Variants in SH2D4B observed in about 807,000 individuals in gnomAD.
SH2D4B encodes SH2 domain containing 4B.
SH2D4B carries 45 observed loss-of-function variants against 61.5 expected under a neutral mutation model. The observed-to-expected ratio is 0.73, with a 90% CI of 0.58 to 0.94. The LOEUF (loss-of-function observed/expected upper bound fraction) is 0.94, where lower values mean the gene tolerates loss of function less well. Among genes scored for constraint, SH2D4B ranks in the 40% least tolerant of loss-of-function variants. The probability of loss-of-function intolerance (pLI) is 0.00; values close to 1 mark genes in which losing one functional copy is unlikely to be tolerated. For missense variants in SH2D4B, 572 were observed against 574.2 expected (o/e 1.00, Z 0.04); for synonymous variants, 224 against 220.4 (o/e 1.02, Z -0.14).
chr10:80,624,123 C>T (rs1842747248), intron 6 of SH2D4B, among the ~76,000 whole-genome samples: 1 of 152,192 alleles, frequency 6.6e-6, no homozygotes, highest in Non-Finnish European at 1.5e-5. Flanking sequence ...TCCTGGATCC[C>T]CTCCATTCCT....
intron 6 of SH2D4B, among the ~76,000 whole-genome samples, chr10:80,613,523 G>A (rs11186280): frequency 0.04 from 6,088 of 152,310 alleles, 177 homozygotes; most frequent in Non-Finnish European, 0.057. Context: ...GGGACTACCC[G>A]GTGGGTGACA....
At chr10:80,587,094 A>G (rs140867633) in intron 3 of SH2D4B, among the ~76,000 whole-genome samples, 3,183 of 148,608 alleles carry the variant, frequency 0.021, 39 homozygotes, top group Middle Eastern at 0.047. Context: ...TCATTCTTGA[A>G]GTCAGTGAGA....
At chr10:80,568,605 C>T (rs539385298) in intron 1 of SH2D4B, among the ~76,000 whole-genome samples, 31 of 152,258 alleles carry the variant, frequency 2.0e-4, no homozygotes, top group East Asian at 3.9e-4. Context: ...GTGTGCCCTT[C>T]GTCACTTTAT....
intron 1 of SH2D4B, among the ~76,000 whole-genome samples, chr10:80,560,002 T>C (rs1433992164): frequency 6.7e-6 from 1 of 149,548 alleles, no homozygotes; most frequent in Non-Finnish European, 1.5e-5. Context: ...TTTTTTTTTT[T>C]TTTGAGACGG....
At chr10:80,586,044 G>A (rs1207279061) in intron 3 of SH2D4B, among the ~76,000 whole-genome samples, 1 of 152,154 alleles carries the variant, frequency 6.6e-6, no homozygotes, top group Non-Finnish European at 1.5e-5. Flanking sequence ...GAGTGTGCTG[G>A]GTCCCCCAGC....
At position 80,554,218 on chromosome 10, in the gene SH2D4B, G is replaced by T. The variant is rs560317133; in HGVS notation, c.184+15703G>T. Among the ~76,000 whole-genome samples the T allele has an allele frequency of 1.8e-4, 28 of 152,292 alleles. 1 individual carries two copies. Among genetic ancestry groups the T allele is most frequent in the Middle Eastern group, 3.4e-3 (1 of 294 alleles). On this transcript the variant is annotated intron_variant, in intron 1 of 7. Coordinates refer to ENST00000646907, the MANE Select transcript of SH2D4B (RefSeq NM_001388272.1). ...TCGCTGTTGGGGCAGCCGCTTCCTC[G>T]CAGGATTCTCTGAGAGGGGCCGTAT... is the stretch of plus-strand genomic sequence containing the variant.
intron 6 of SH2D4B, among the ~76,000 whole-genome samples, chr10:80,612,505 C>A (rs1211723262): frequency 6.6e-6 from 1 of 152,154 alleles, no homozygotes; most frequent in Non-Finnish European, 1.5e-5. Flanking sequence ...GGACAGACAT[C>A]AGAGAGCAAC....
chr10:80,642,106 T>A (rs545589572), intron 7 of SH2D4B, among the ~76,000 whole-genome samples: 215 of 152,304 alleles, frequency 1.4e-3, no homozygotes, highest in African/African-American at 4.6e-3. Flanking sequence ...GGGTAGTCTT[T>A]TTTGAGACAA....
chr10:80,621,685 G>A (rs1842718500), intron 6 of SH2D4B, among the ~76,000 whole-genome samples: 1 of 152,126 alleles, frequency 6.6e-6, no homozygotes, highest in Non-Finnish European at 1.5e-5. Flanking sequence ...GCTCATCTAT[G>A]GGCCTTGTCC....
At chr10:80,632,246 A>G (rs7895661) in intron 6 of SH2D4B, among the ~76,000 whole-genome samples, 92,935 of 151,838 alleles carry the variant, frequency 0.61, 31,250 homozygotes, top group African/African-American at 0.91. Flanking sequence ...CTGAGCTATT[A>G]TACCCAGCCA....
intron 3 of SH2D4B, among the ~76,000 whole-genome samples, chr10:80,576,893 A>C (rs1842132272): frequency 6.6e-6 from 1 of 152,136 alleles, no homozygotes; most frequent in South Asian, 2.1e-4. Context: ...TCAGCCTCCC[A>C]GGTAGCTGGG....
chr10:80,639,966 C>G (rs894964708), intron 7 of SH2D4B, among the ~76,000 whole-genome samples: 1 of 152,132 alleles, frequency 6.6e-6, no homozygotes, highest in Non-Finnish European at 1.5e-5. Flanking sequence ...TTCAGGAGCT[C>G]TTTTAGGGCA....
intron 1 of SH2D4B, among the ~76,000 whole-genome samples, chr10:80,552,256 C>T (rs1300517329): frequency 6.6e-6 from 1 of 152,154 alleles, no homozygotes; most frequent in African/African-American, 2.4e-5. Context: ...CAGCAGGGAG[C>T]CTGAGTTTCG....
rs372069531 is a variant in SH2D4B at position 80,605,141 on chromosome 10, G to A, written c.860+1346G>A. The stretch of plus-strand genomic sequence containing the variant: ...CACTCACTTTGTTTTTGCAGTTACC[G>A]TCATGAAAGGCCTTATTCCTCCTCT... On this transcript the variant is annotated intron_variant, in intron 5 of 7. Transcript: ENST00000646907. Among the ~76,000 whole-genome samples the A allele has an allele frequency of 5.3e-5, 8 of 150,496 alleles. No homozygotes were observed. The East Asian group carries it at 1.0e-3, about 19-fold the overall frequency.
At position 80,538,513 on chromosome 10, in the gene SH2D4B, G is replaced by T; in HGVS notation, c.182G>T (p.Arg61Leu). The change falls in exon 1 of 8, where the codon CGA (arginine) becomes CTA (leucine). Residue 61 changes from arginine to leucine, a missense_variant and splice_region_variant. Transcript: ENST00000646907. The surrounding 1 kb of genome is among the most constrained non-coding windows in gnomAD (Gnocchi z 4.8). ...GGTCTCAGGCCTCCAAAGACCAAGC[G>T]AGGTACGTGGCTGGGAGTCACAGAG... The part of the protein sequence containing the change: ...DEGLRPPKTK[R>L]AASDKHIQWL... 7.2e-7 allele frequency: 1 copy of T among 1,389,128 alleles called. No homozygotes were observed. Among genetic ancestry groups the T allele is most frequent in the East Asian group, 2.7e-5 (1 of 36,962 alleles). The allele number at this position is 1,389,128 out of a possible 1,614,324, so 86.1% of individuals were successfully genotyped here.
intron 6 of SH2D4B, among the ~76,000 whole-genome samples, chr10:80,619,858 A>AGG (rs1842699162): frequency 6.6e-6 from 1 of 152,214 alleles, no homozygotes; most frequent in Non-Finnish European, 1.5e-5. Context: ...GATCTACCCA[A>AGG]ACTGAAAAGA....
chr10:80,640,194 G>A (rs1444203450), intron 7 of SH2D4B, among the ~76,000 whole-genome samples: 2 of 152,150 alleles, frequency 1.3e-5, no homozygotes, highest in African/African-American at 2.4e-5. Context: ...AGGTTAACCC[G>A]ACCTTTCTCT....
At chr10:80,619,013 G>A (rs958086695) in intron 6 of SH2D4B, among the ~76,000 whole-genome samples, 5 of 152,214 alleles carry the variant, frequency 3.3e-5, no homozygotes, top group Non-Finnish European at 7.3e-5. Flanking sequence ...CAGCTGATTA[G>A]TGCCCATGGA....
intron 5 of SH2D4B, among the ~76,000 whole-genome samples, chr10:80,608,565 C>T (rs765092604): frequency 7.2e-5 from 11 of 152,114 alleles, no homozygotes; most frequent in Non-Finnish European, 1.5e-5. Flanking sequence ...GTGTCCAAGT[C>T]TATGTAAGCA....
Sources: gnomAD v4.1 joint callset for allele counts (sites outside exome capture counted in the v4.1 genomes callset) on GRCh38, gnomAD v4.1.1 for gene constraint, Gnocchi (gnomAD v3.1) non-coding constraint, MANE v1.5 for transcripts, NCBI Gene and HGNC (gene_info 2026-07-23, HGNC 2026-07-21) for gene names.